SLCO5A1: variants seen among roughly 807,000 people sequenced by gnomAD.
SLCO5A1 encodes solute carrier organic anion transporter family member 5A1, also known as organic anion transporter polypeptide-related protein 4.
Under a neutral mutation model 65.1 loss-of-function variants are expected in SLCO5A1, and 39 were observed. The observed-to-expected ratio is 0.60, with a 90% CI of 0.46 to 0.78. SLCO5A1 has a LOEUF of 0.78. SLCO5A1 is among the 30% of genes least tolerant of loss of function. The pLI, the probability that SLCO5A1 is intolerant of heterozygous loss-of-function variation, is 0.00. For synonymous variants in SLCO5A1, 438 were observed against 415.7 expected (o/e 1.05, Z -0.65); for missense variants, 1,029 against 1,069.4 (o/e 0.96, Z 0.53).
chr8:69,822,311 TTATAC>T (rs1820681031), intron 2 of SLCO5A1, among the ~76,000 whole-genome samples: 1 of 152,150 alleles, frequency 6.6e-6, no homozygotes. Flanking sequence ...TTTTACTGTC[TTATAC>T]TAGGTGCAAA....
chr8:69,735,377 C>T (rs1423793898), intron 5 of SLCO5A1, among the ~76,000 whole-genome samples: 1 of 152,186 alleles, frequency 6.6e-6, no homozygotes, highest in Non-Finnish European at 1.5e-5. Flanking sequence ...CACGTATGTT[C>T]ATTGCAGCAT....
intron 2 of SLCO5A1, among the ~76,000 whole-genome samples, chr8:69,780,984 T>C (rs1224940365): frequency 6.6e-6 from 1 of 152,238 alleles, no homozygotes; most frequent in Non-Finnish European, 1.5e-5. Context: ...TCATCACTAA[T>C]AGGCTTCCAT....
At position 69,673,138 on chromosome 8, in the gene SLCO5A1, T is replaced by C; in HGVS notation, c.2278A>G (p.Ile760Val). Residue 760 changes from isoleucine to valine, a missense_variant, in exon 10 of 10, where the codon ATA (isoleucine) becomes GTA (valine). Physicochemically the swap from Ile to Val is conservative, Grantham distance 29 (BLOSUM62 3). Coordinates refer to ENST00000260126, the MANE Select transcript of SLCO5A1 (RefSeq NM_030958.3). Reference sequence around the variant, plus strand: ...TGCAGTCCATCCTCCTTGTATTTTATGGAGTACCAGGCCAGAAAAATAAAA... The same window carrying C: ...TGCAGTCCATCCTCCTTGTATTTTACGGAGTACCAGGCCAGAAAAATAAAA... ...FIFIFLAWYS[I>V]KYKEDGLQRR... The C allele has an allele frequency of 1.2e-6, 2 of 1,614,256 alleles. No homozygotes were observed. The highest frequency in any genetic ancestry group is 8.5e-7 in the Non-Finnish European group (1 of 1,180,036).
rs1340351843 is a variant in SLCO5A1 at position 69,669,777 on chromosome 8, C to G, written c.*3092G>C. 1 of 151,004 alleles carries G rather than the reference C, an allele frequency of 6.6e-6. No individual in the cohort carries two copies. The highest frequency in any genetic ancestry group is 1.5e-5 in the Non-Finnish European group (1 of 67,944). The allele number at this position is 151,004 out of a possible 1,614,324, so 9.4% of individuals were successfully genotyped here. On this transcript the variant is annotated 3_prime_UTR_variant, in exon 10 of 10. Transcript: ENST00000260126. The stretch of plus-strand genomic sequence containing the variant: ...GTTGCAGTGAGCTGAGATTAAGCCA[C>G]TGCACTCCAGCCTGGGTGACAGAGC...
At chr8:69,765,819 C>A (rs1403969325) in intron 2 of SLCO5A1, among the ~76,000 whole-genome samples, 1 of 152,110 alleles carries the variant, frequency 6.6e-6, no homozygotes, top group Non-Finnish European at 1.5e-5. Context: ...CATACTCTGC[C>A]TGGGCCTTTC....
chr8:69,808,590 C>G (rs1276750138), intron 2 of SLCO5A1, among the ~76,000 whole-genome samples: 1 of 152,072 alleles, frequency 6.6e-6, no homozygotes, highest in African/African-American at 2.4e-5. Context: ...TAAGTTGATT[C>G]CACATCTTTG....
At chr8:69,808,654 A>G (rs539540687) in intron 2 of SLCO5A1, among the ~76,000 whole-genome samples, 4 of 152,326 alleles carry the variant, frequency 2.6e-5, no homozygotes, top group Non-Finnish European at 5.9e-5. Flanking sequence ...TTTATAATAG[A>G]ACAATTCATA....
At chr8:69,723,905 T>C (rs1815950751) in intron 5 of SLCO5A1, among the ~76,000 whole-genome samples, 1 of 152,056 alleles carries the variant, frequency 6.6e-6, no homozygotes, top group Non-Finnish European at 1.5e-5. Flanking sequence ...TCTGAGTAGC[T>C]GAAGCTACAG....
chr8:69,725,923 A>G (rs2933028), intron 5 of SLCO5A1, among the ~76,000 whole-genome samples: 82,503 of 152,040 alleles, frequency 0.54, 23,041 homozygotes, highest in South Asian at 0.69. Context: ...TGAACAACAT[A>G]TAATATTTTT....
chr8:69,747,079 A>G (rs1817067005), intron 4 of SLCO5A1, among the ~76,000 whole-genome samples: 1 of 152,198 alleles, frequency 6.6e-6, no homozygotes, highest in Admixed American at 6.5e-5. Flanking sequence ...GGATATCCCA[A>G]CAAAGGCTGT....
rs953751100 is a variant in SLCO5A1 at position 69,725,062 on chromosome 8, A to G, written c.1423+12978T>C. On this transcript the variant is annotated intron_variant, in intron 5 of 9. Coordinates refer to ENST00000260126, the MANE Select transcript of SLCO5A1 (RefSeq NM_030958.3). ...ATAATTAATATTTGTGTTGTTCTTT[A>G]CACTTAAGTAAATTTTAATTTTTAA... Among the ~76,000 whole-genome samples the G allele has an allele frequency of 3.9e-5, 6 of 152,146 alleles. No individual in the cohort carries two copies. In the South Asian group the frequency reaches 1.0e-3, roughly 26 times the overall value.
intron 2 of SLCO5A1, among the ~76,000 whole-genome samples, chr8:69,776,986 T>C (rs1452123343): frequency 6.6e-6 from 1 of 152,186 alleles, no homozygotes. Context: ...TACAACCACT[T>C]TGGAGAACAT....
chr8:69,764,230 A>G (rs1019838805), intron 2 of SLCO5A1, among the ~76,000 whole-genome samples: 2 of 152,196 alleles, frequency 1.3e-5, no homozygotes, highest in Non-Finnish European at 2.9e-5. Context: ...AGAGTTCCTC[A>G]TTTCCAATGT....
At chr8:69,828,927 C>CAAGTCT (rs1354783833) in intron 2 of SLCO5A1, among the ~76,000 whole-genome samples, 1 of 152,138 alleles carries the variant, frequency 6.6e-6, no homozygotes, top group Non-Finnish European at 1.5e-5. Context: ...TTTGACAAAG[C>CAAGTCT]AAGTCTGTAT....
intron 6 of SLCO5A1, among the ~76,000 whole-genome samples, chr8:69,694,569 C>T (rs1378963077): frequency 6.6e-6 from 1 of 152,156 alleles, no homozygotes; most frequent in Non-Finnish European, 1.5e-5. Context: ...GGCACCCAGC[C>T]AAGGGAGCAA....
intron 6 of SLCO5A1, among the ~76,000 whole-genome samples, chr8:69,684,906 C>T (rs1020668093): frequency 1.3e-5 from 2 of 152,152 alleles, no homozygotes; most frequent in Non-Finnish European, 2.9e-5. Context: ...GCCCAAATGT[C>T]AATAGTGCTG....
chr8:69,765,147 T>C (rs1382258379), intron 2 of SLCO5A1, among the ~76,000 whole-genome samples: 2 of 152,134 alleles, frequency 1.3e-5, no homozygotes, highest in Non-Finnish European at 2.9e-5. Context: ...TATATATGTA[T>C]GTATACGTGT....
chr8:69,832,151 C>A lies in SLCO5A1; in HGVS notation c.523G>T (p.Asp175Tyr), dbSNP rs1821183440. ...SESGLLVSCF[D>Y]IGNLVVVVFV... ...ACCACCACCACCAGGTTCCCGATGTCAAAGCAGCTGACCAGCAGCCCCGAC... is the reference window on the plus strand; with the variant it reads ...ACCACCACCACCAGGTTCCCGATGTAAAAGCAGCTGACCAGCAGCCCCGAC... Residue 175 changes from aspartate (D) to tyrosine (Y), a missense_variant, in exon 2 of 10, where the codon GAC (aspartate) becomes TAC (tyrosine). By Grantham distance (160) the Asp-to-Tyr change is radical. Coordinates refer to ENST00000260126, the MANE Select transcript of SLCO5A1 (RefSeq NM_030958.3). The surrounding 1 kb of genome is among the most constrained non-coding windows in gnomAD (Gnocchi z 4.5). The A allele has an allele frequency of 1.9e-6, 3 of 1,614,080 alleles. No individual in the cohort carries two copies. Among genetic ancestry groups the A allele is most frequent in the Non-Finnish European group, 2.5e-6 (3 of 1,180,046 alleles).
chr8:69,766,516 T>C (rs1686585788), intron 2 of SLCO5A1, among the ~76,000 whole-genome samples: 1 of 152,166 alleles, frequency 6.6e-6, no homozygotes, highest in African/African-American at 2.4e-5. Context: ...TGTTTGTGTG[T>C]GTGTGTGTAT....
Sources: gnomAD v4.1 joint callset for allele counts (sites outside exome capture counted in the v4.1 genomes callset) on GRCh38, gnomAD v4.1.1 for gene constraint, Gnocchi (gnomAD v3.1) non-coding constraint, MANE v1.5 for transcripts, NCBI Gene and HGNC (gene_info 2026-07-23, HGNC 2026-07-21) for gene names.